The following PATJ variants were observed in gnomAD, a reference collection of about 807,000 sequenced individuals.
PATJ encodes inaD-like protein.
Under a neutral mutation model 224.9 loss-of-function variants are expected in PATJ, and 190 were observed. The ratio of observed to expected loss-of-function variants is 0.84; its 90% CI spans 0.75 to 0.95. The LOEUF is 0.95. Ranked by LOEUF, PATJ falls within the 40% of genes least tolerant of loss-of-function variation. The pLI is 0.00. For synonymous variants in PATJ, 769 were observed against 820.3 expected, an observed-to-expected ratio of 0.94 and a Z score of 1.07; for missense variants, 2,121 against 2,270.3, an observed-to-expected ratio of 0.93 and a Z score of 1.34.
At chr1:61,884,473 T>G (rs982198566) in intron 22 of PATJ, 65 bp downstream of exon 22, 12 of 809,944 alleles carry the variant, frequency 1.5e-5, no homozygotes, top group Admixed American at 4.3e-5. Flanking sequence ...TTTTTTTTTT[T>G]GCTTAAAAAA....
intron 37 of PATJ, chr1:62,117,448 C>CT: frequency 3.7e-6 from 5 of 1,349,834 alleles, no homozygotes; most frequent in Non-Finnish European, 4.8e-6. Flanking sequence ...CTTGGAAGCT[C>CT]TTTTCTCTCT....
chr1:61,828,364 A>G (rs1345942013), intron 16 of PATJ, among the ~76,000 whole-genome samples: 1 of 150,372 alleles, frequency 6.7e-6, no homozygotes, highest in Non-Finnish European at 1.5e-5. Flanking sequence ...CTCCTTATTT[A>G]TTTATTTTTT....
intron 22 of PATJ, among the ~76,000 whole-genome samples, chr1:61,887,036 T>G (rs11207854): frequency 0.95 from 143,192 of 150,844 alleles, 67,826 homozygotes; most frequent in Admixed American, 0.96. Context: ...ATCAAGGCAA[T>G]GGGAAAATAT....
intron 33 of PATJ, among the ~76,000 whole-genome samples, chr1:62,093,817 A>G (rs1455009757): frequency 6.6e-6 from 1 of 152,234 alleles, no homozygotes; most frequent in Non-Finnish European, 1.5e-5. Flanking sequence ...TTTCTGTATG[A>G]AAAATTATAT....
rs528215496 is a variant in PATJ at position 61,841,632 on chromosome 1, G to A, written c.2112+7847G>A. Among the ~76,000 whole-genome samples, 24 of 141,090 alleles carry A rather than the reference G, an allele frequency of 1.7e-4. No individual in the cohort carries two copies. The South Asian group carries it at 2.9e-3, about 17-fold the overall frequency. The allele number at this position is 141,090 out of a possible 152,430, so 92.6% of individuals were successfully genotyped here. On this transcript the variant is annotated intron_variant, in intron 17 of 43. Coordinates refer to ENST00000642238, the MANE Select transcript of PATJ (RefSeq NM_001350145.3). The stretch of plus-strand genomic sequence containing the variant: ...TTTTTTGGGAGCTCTTTGGGTCCAC[G>A]TCACCCATATAAGATATTGGTACTA...
At chr1:61,772,696 T>A (rs1032872798) in intron 6 of PATJ, among the ~76,000 whole-genome samples, 2 of 152,192 alleles carry the variant, frequency 1.3e-5, no homozygotes, top group Non-Finnish European at 2.9e-5. Flanking sequence ...GTGAATAAAG[T>A]GGGGCATTGT....
chr1:61,849,306 A>G (rs1662452103), intron 17 of PATJ, among the ~76,000 whole-genome samples: 2 of 152,332 alleles, frequency 1.3e-5, no homozygotes, highest in South Asian at 4.1e-4. Flanking sequence ...TTAAGACTAT[A>G]TAAATTAGGT....
intron 14 of PATJ, among the ~76,000 whole-genome samples, chr1:61,817,930 T>C (rs1656482004): frequency 6.6e-6 from 1 of 152,214 alleles, no homozygotes; most frequent in African/African-American, 2.4e-5. Context: ...GAACCAATCA[T>C]GGGTTCTTTC....
intron 27 of PATJ, among the ~76,000 whole-genome samples, chr1:61,974,736 A>T (rs1223930592): frequency 6.6e-6 from 1 of 152,030 alleles, no homozygotes; most frequent in Non-Finnish European, 1.5e-5. Flanking sequence ...ATAATTTAAA[A>T]ATAACTCATT....
In PATJ at chr1:61,763,039, G is replaced by A. The variant is rs147943600; in HGVS notation, c.49G>A (p.Asp17Asn). Reference protein sequence around the residue: ...TDKLQVLQVLDRLKMKLQEKG... With the variant: ...TDKLQVLQVLNRLKMKLQEKG... ...TAAACTGCAGGTGCTGCAGGTACTTGATCGCCTGAAAATGAAATTGCAGGA... is the reference window on the plus strand; with the variant it reads ...TAAACTGCAGGTGCTGCAGGTACTTAATCGCCTGAAAATGAAATTGCAGGA... Residue 17 changes from aspartate (D) to asparagine (N), a missense_variant, in exon 3 of 44, where the codon GAT becomes AAT. Physicochemically the swap from Asp to Asn is conservative, Grantham distance 23. Coordinates refer to ENST00000642238, the MANE Select transcript of PATJ (RefSeq NM_001350145.3). The A allele has an allele frequency of 6.2e-6, 10 of 1,610,886 alleles. No individual in the cohort carries two copies. In the African/African-American group the frequency reaches 1.3e-4, roughly 22 times the overall value.
At chr1:61,990,898 G>T (rs1409141777) in intron 28 of PATJ, among the ~76,000 whole-genome samples, 1 of 152,134 alleles carries the variant, frequency 6.6e-6, no homozygotes, top group Non-Finnish European at 1.5e-5. Context: ...CTAAGAAGAT[G>T]ACTGATCCTC....
At chr1:62,109,770 C>G (rs1413457702) in intron 34 of PATJ, among the ~76,000 whole-genome samples, 1 of 152,126 alleles carries the variant, frequency 6.6e-6, no homozygotes, top group African/African-American at 2.4e-5. Flanking sequence ...TTATAATGGT[C>G]ACTTGAAACT....
At chr1:62,017,729 C>CAAAA (rs58692636) in intron 28 of PATJ, 127 bp from the exon 29 acceptor site, 467 of 323,886 alleles carry the variant, frequency 1.4e-3, no homozygotes, top group East Asian at 3.6e-3. Context: ...GAGACTGTCT[C>CAAAA]AAAAAAAAAA....
At chr1:61,895,842 A>G (rs1670286955) in intron 22 of PATJ, among the ~76,000 whole-genome samples, 1 of 152,172 alleles carries the variant, frequency 6.6e-6, no homozygotes, top group South Asian at 2.1e-4. Context: ...CAGCTGGAAA[A>G]GCTGTAGGCA....
At chr1:61,886,084 G>A (rs932698538) in intron 22 of PATJ, among the ~76,000 whole-genome samples, 3 of 151,814 alleles carry the variant, frequency 2.0e-5, no homozygotes, top group Non-Finnish European at 4.4e-5. Flanking sequence ...GCTAAATGAC[G>A]AGTTAATGGG....
intron 34 of PATJ, 86 bp from the exon 35 acceptor site, chr1:62,113,967 A>G: frequency 7.6e-7 from 1 of 1,307,292 alleles, no homozygotes; most frequent in Non-Finnish European, 1.1e-6. Flanking sequence ...GAGATTCTTT[A>G]CTGGTTAGAT....
chr1:61,856,077 A>G lies in PATJ; in HGVS notation c.2160A>G (p.Val720=). 1 of 1,614,168 alleles carries G rather than the reference A, an allele frequency of 6.2e-7. No homozygotes were observed. Among genetic ancestry groups the G allele is most frequent in the Non-Finnish European group, 8.5e-7 (1 of 1,180,008 alleles). The stretch of plus-strand genomic sequence containing the variant: ...CAGTGATTGTGATCCGCTCCCTGGT[A>G]GCAGATGGTGTAGCAGAAAGAAGTG... ...TRSVIVIRSL[V]ADGVAERSGG... is the part of the protein sequence containing the mutation. Residue 720 remains valine (V), a synonymous_variant, in exon 18 of 44, where the codon GTA becomes GTG. Transcript: ENST00000642238.
At chr1:62,006,086 A>G (rs1234759757) in intron 28 of PATJ, among the ~76,000 whole-genome samples, 4 of 151,430 alleles carry the variant, frequency 2.6e-5, no homozygotes, top group Admixed American at 1.3e-4. Flanking sequence ...TCTTCAGTAT[A>G]CATTTCTTTT....
At chr1:61,878,059 G>A (rs1292763470) in intron 21 of PATJ, among the ~76,000 whole-genome samples, 1 of 152,230 alleles carries the variant, frequency 6.6e-6, no homozygotes, top group Non-Finnish European at 1.5e-5. Flanking sequence ...TAGCCTTTGT[G>A]TGGAGCAATT....
Sources: gnomAD v4.1 joint callset for allele counts (sites outside exome capture counted in the v4.1 genomes callset) on GRCh38, gnomAD v4.1.1 for gene constraint, MANE v1.5 for transcripts, NCBI Gene and HGNC (gene_info 2026-07-23, HGNC 2026-07-21) for gene names.